Variants in POU6F2 observed in about 807,000 individuals in gnomAD.
POU6F2 encodes POU domain, class 6, transcription factor 2.
Under a neutral mutation model 71.3 loss-of-function variants are expected in POU6F2, and 31 were observed. The observed-to-expected ratio is 0.43, with a 90% CI of 0.33 to 0.59. POU6F2 has a LOEUF of 0.59. Ranked by LOEUF, POU6F2 falls within the 20% of genes least tolerant of loss-of-function variation. The pLI is 0.04. For missense variants in POU6F2, 783 were observed against 856.8 expected (o/e 0.91, Z 1.07); for synonymous variants, 347 against 355.7 (o/e 0.98, Z 0.27).
At chr7:39,027,601 T>C (rs925438801) in intron 1 of POU6F2, among the ~76,000 whole-genome samples, 1 of 152,170 alleles carries the variant, frequency 6.6e-6, no homozygotes, top group Non-Finnish European at 1.5e-5. Flanking sequence ...TTTCAAGGAG[T>C]TCCGTGATTA....
At chr7:39,039,467 T>A (rs1039196740) in intron 1 of POU6F2, among the ~76,000 whole-genome samples, 3 of 151,978 alleles carry the variant, frequency 2.0e-5, no homozygotes, top group African/African-American at 7.2e-5. Context: ...ACTAATTGCA[T>A]TCACTTAAAG....
chr7:39,355,457 TTTC>T (rs1484787483), intron 5 of POU6F2, among the ~76,000 whole-genome samples: 2 of 152,282 alleles, frequency 1.3e-5, no homozygotes, highest in African/African-American at 4.8e-5. Flanking sequence ...GTAAAATGTG[TTTC>T]TTCTTATGAG....
At chr7:39,148,083 A>C (rs1356441418) in intron 2 of POU6F2, among the ~76,000 whole-genome samples, 1 of 152,236 alleles carries the variant, frequency 6.6e-6, no homozygotes, top group African/African-American at 2.4e-5. Context: ...TCAGGACAAG[A>C]GAAACCTTTT....
At chr7:39,391,272 G>A (rs971766840) in intron 5 of POU6F2, among the ~76,000 whole-genome samples, 3 of 151,668 alleles carry the variant, frequency 2.0e-5, no homozygotes, top group Non-Finnish European at 4.4e-5. Context: ...ATATGTTGTG[G>A]TTTTTACTTC....
chr7:39,264,061 C>T (rs1002340192), intron 4 of POU6F2, among the ~76,000 whole-genome samples: 2 of 152,204 alleles, frequency 1.3e-5, no homozygotes, highest in African/African-American at 4.8e-5. Flanking sequence ...GGTCTCAAGG[C>T]CCCTAAGACA....
intron 4 of POU6F2, among the ~76,000 whole-genome samples, chr7:39,298,176 A>C (rs1380267872): frequency 6.6e-6 from 1 of 152,234 alleles, no homozygotes; most frequent in African/African-American, 2.4e-5. Context: ...GATCTAACTA[A>C]ACTAGAGAGC....
intron 1 of POU6F2, among the ~76,000 whole-genome samples, chr7:39,037,991 T>G (rs1041161697): frequency 6.6e-6 from 1 of 152,088 alleles, no homozygotes; most frequent in African/African-American, 2.4e-5. Flanking sequence ...TTGATGGTCT[T>G]AAAGAAAGGA....
At chr7:39,089,252 G>GTGA (rs1306391042) in intron 2 of POU6F2, among the ~76,000 whole-genome samples, 1 of 152,158 alleles carries the variant, frequency 6.6e-6, no homozygotes, top group African/African-American at 2.4e-5. Context: ...ATATCATTAA[G>GTGA]TGATGCATTA....
At chr7:39,162,394 C>T (rs1793015545) in intron 2 of POU6F2, among the ~76,000 whole-genome samples, 1 of 152,162 alleles carries the variant, frequency 6.6e-6, no homozygotes, top group Admixed American at 6.5e-5. Context: ...AACTGGTAGA[C>T]CTAGTTACTC....
At chr7:39,289,179 G>A (rs1300847721) in intron 4 of POU6F2, among the ~76,000 whole-genome samples, 1 of 152,106 alleles carries the variant, frequency 6.6e-6, no homozygotes, top group African/African-American at 2.4e-5. Context: ...ATCACTGGCA[G>A]CTCTGCCTGG....
At chr7:39,279,072 G>A (rs55928878) in intron 4 of POU6F2, among the ~76,000 whole-genome samples, 73,318 of 152,026 alleles carry the variant, frequency 0.48, 19,179 homozygotes, top group East Asian at 0.69. Flanking sequence ...CAGTCTCTCC[G>A]GACTGCCTGG....
At chr7:39,278,909 C>T (rs1219237234) in intron 4 of POU6F2, among the ~76,000 whole-genome samples, 1 of 152,192 alleles carries the variant, frequency 6.6e-6, no homozygotes, top group Non-Finnish European at 1.5e-5. Context: ...CCTTCTCCCT[C>T]ATTACCAACT....
intron 1 of POU6F2, among the ~76,000 whole-genome samples, chr7:39,069,644 T>C (rs1486187360): frequency 6.6e-6 from 1 of 152,102 alleles, no homozygotes; most frequent in African/African-American, 2.4e-5. Flanking sequence ...ACATAAACAT[T>C]CGATTAACAC....
At chr7:39,390,679 C>G (rs1036266632) in intron 5 of POU6F2, among the ~76,000 whole-genome samples, 1 of 152,052 alleles carries the variant, frequency 6.6e-6, no homozygotes. Context: ...TTCGTTAAAT[C>G]GGCGGATAAC....
chr7:39,107,648 G>A (rs1295494860), intron 2 of POU6F2, among the ~76,000 whole-genome samples: 1 of 152,126 alleles, frequency 6.6e-6, no homozygotes, highest in African/African-American at 2.4e-5. Context: ...TCAGTAGAAT[G>A]TAGGGTAACA....
intron 7 of POU6F2, among the ~76,000 whole-genome samples, chr7:39,436,444 G>T (rs775451428): frequency 2.7e-5 from 4 of 148,544 alleles, no homozygotes; most frequent in Non-Finnish European, 5.9e-5. Context: ...TTGTGTAAAA[G>T]AATGCTTGTA....
At chr7:39,123,283 T>C (rs764034214) in intron 2 of POU6F2, among the ~76,000 whole-genome samples, 2 of 152,200 alleles carry the variant, frequency 1.3e-5, no homozygotes, top group African/African-American at 4.8e-5. Context: ...TATGTTCCTA[T>C]GGCAGTGAAT....
Position 39,433,266 on chromosome 7 carries a change from A to C in POU6F2, c.1303A>C (p.Ile435Leu). The C allele has an allele frequency of 3.7e-6, 6 of 1,613,968 alleles. No homozygotes were observed. The highest frequency in any genetic ancestry group is 1.1e-5 in the South Asian group (1 of 91,084). The change falls in exon 7 of 10, where the codon ATC becomes CTC. Residue 435 changes from isoleucine (I) to leucine (L), a missense_variant. Physicochemically the swap from Ile to Leu is conservative, Grantham distance 5 (BLOSUM62 2). Coordinates refer to ENST00000518318, the MANE Select transcript of POU6F2 (RefSeq NM_001370959.1). ...INTQGITLSP[I>L]KPGQQLHQPS... ...CACCCAGGGCATCACGCTGTCACCC[A>C]TCAAGCCCGGCCAGCAGGTAAATGT...
chr7:39,410,023 T>C (rs1422458579), intron 6 of POU6F2, among the ~76,000 whole-genome samples: 2 of 152,216 alleles, frequency 1.3e-5, no homozygotes, highest in Admixed American at 1.3e-4. Context: ...AATAGAGTTA[T>C]GAATTTGAAC....
Sources: allele counts gnomAD v4.1 joint callset (sites outside exome capture counted in the v4.1 genomes callset), GRCh38; gene constraint gnomAD v4.1.1; transcripts MANE v1.5; gene names NCBI Gene and HGNC (gene_info 2026-07-23, HGNC 2026-07-21).